MLIP: variants seen among roughly 807,000 people sequenced by gnomAD.
The protein encoded by MLIP is muscular LMNA-interacting protein.
A neutral mutation model predicts 84.8 loss-of-function variants in MLIP; 79 were observed. The observed-to-expected ratio is 0.93, with a 90% confidence interval of 0.78 to 1.12. The LOEUF is 1.12. MLIP is among the 50% of genes most tolerant of loss of function. The pLI is 0.00. For synonymous variants in MLIP, 504 were observed against 463.0 expected, an observed-to-expected ratio of 1.09 and a Z score of -1.14; for missense variants, 1,257 against 1,160.6, an observed-to-expected ratio of 1.08 and a Z score of -1.21.
intron 10 of MLIP, among the ~76,000 whole-genome samples, chr6:54,193,713 C>G (rs2150688368): frequency 6.6e-6 from 1 of 152,146 alleles, no homozygotes; most frequent in East Asian, 1.9e-4. Context: ...TGGGTAGGGT[C>G]AGTTAGAGTA....
intron 9 of MLIP, among the ~76,000 whole-genome samples, chr6:54,180,921 C>T (rs1332975313): frequency 3.3e-5 from 5 of 152,128 alleles, no homozygotes; most frequent in Non-Finnish European, 7.4e-5. Flanking sequence ...AGTGTCTCAA[C>T]ATTGAAGAGT....
chr6:54,097,587 G>A (rs1262726040), intron 1 of MLIP, among the ~76,000 whole-genome samples: 1 of 152,096 alleles, frequency 6.6e-6, no homozygotes, highest in Non-Finnish European at 1.5e-5. Flanking sequence ...GAAAATGATG[G>A]TGGCAGTAAA....
chr6:54,048,544 C>T (rs1025705012), intron 1 of MLIP, among the ~76,000 whole-genome samples: 13 of 152,082 alleles, frequency 8.5e-5, no homozygotes, highest in African/African-American at 2.9e-4. Context: ...CAACTGGCTT[C>T]GATCTACTCT....
chr6:54,140,938 C>G (rs1219558665), intron 4 of MLIP, among the ~76,000 whole-genome samples: 1 of 152,122 alleles, frequency 6.6e-6, no homozygotes, highest in Non-Finnish European at 1.5e-5. Context: ...GCACAGGACT[C>G]TTTTTGAAAT....
chr6:54,023,315 C>T (rs1341171221), intron 1 of MLIP, among the ~76,000 whole-genome samples: 2 of 151,620 alleles, frequency 1.3e-5, no homozygotes, highest in Non-Finnish European at 2.9e-5. Context: ...AAAAAAGCAA[C>T]TCTTTGAGAT....
chr6:54,254,131 T>A (rs78644584), intron 12 of MLIP, among the ~76,000 whole-genome samples: 1 of 82,064 alleles, frequency 1.2e-5, no homozygotes, highest in South Asian at 3.4e-4. Context: ...TTTTTGCTGT[T>A]TTTTTTTTTT....
upstream of MLIP, among the ~76,000 whole-genome samples, chr6:54,107,033 A>G (rs371162637): frequency 1.6e-4 from 24 of 152,340 alleles, no homozygotes; most frequent in South Asian, 1.9e-3. Flanking sequence ...AAGTAATTCA[A>G]CAAGGAGAGA....
At chr6:54,073,390 A>G (rs1440085736) in intron 1 of MLIP, among the ~76,000 whole-genome samples, 2 of 152,228 alleles carry the variant, frequency 1.3e-5, no homozygotes, top group African/African-American at 4.8e-5. Flanking sequence ...TAGTACATTC[A>G]TTTAGTCTAT....
In MLIP at chr6:54,148,961, T is replaced by G. The variant is rs9382295; in HGVS notation, c.2218-95T>G. The stretch of plus-strand genomic sequence containing the variant: ...CATAATAACCCTTTTCTTCATTTGA[T>G]AACGTATCATTTAACTTGGTAGAAC... On this transcript the variant is annotated intron_variant, in intron 4 of 13. Coordinates refer to ENST00000502396, the MANE Select transcript of MLIP (RefSeq NM_001281747.2). The G allele has an allele frequency of 1.2e-3, 1,164 of 958,194 alleles. 9 individuals carry two copies. In the East Asian group the frequency reaches 0.02, roughly 16 times the overall value. The allele number at this position is 958,194 out of a possible 1,614,324, so 59.4% of individuals were successfully genotyped here.
In MLIP at chr6:54,111,469, G is replaced by A; in HGVS notation, c.-11G>A. Reference sequence around the variant, plus strand: ...GTCATTGGTTTGCTCGCTCCCTTATGTGATGAATCAATGCTTTCAGAACAG... The same window carrying A: ...GTCATTGGTTTGCTCGCTCCCTTATATGATGAATCAATGCTTTCAGAACAG... On this transcript the variant is annotated 5_prime_UTR_variant, in exon 1 of 14. It adds an upstream start codon to the 5' untranslated region. Coordinates refer to ENST00000502396, the MANE Select transcript of MLIP (RefSeq NM_001281747.2). 1.3e-6 allele frequency: 2 copies of A among 1,535,948 alleles called. No homozygotes were observed. Among genetic ancestry groups the A allele is most frequent in the African/African-American group, 1.4e-5 (1 of 73,148 alleles).
At position 54,217,551 on chromosome 6, in the gene MLIP, T is replaced by C. The variant is rs568474915; in HGVS notation, c.2719-13163T>C. On this transcript the variant is annotated intron_variant, in intron 11 of 13. Coordinates refer to ENST00000502396, the MANE Select transcript of MLIP (RefSeq NM_001281747.2). ...CTAATTTTTCTTTAATGAACAAAGA[T>C]ATTACTTGCTTCATAAGTTCCTGTC... is the stretch of plus-strand genomic sequence containing the variant. 83 of 984,508 alleles carry C rather than the reference T, an allele frequency of 8.4e-5. No homozygotes were observed. In the South Asian group the frequency reaches 3.3e-3, roughly 39 times the overall value. 61.0% of individuals were successfully genotyped at this position (984,508 alleles called of 1,614,324 possible).
intron 11 of MLIP, among the ~76,000 whole-genome samples, chr6:54,219,213 T>TAAAAATA (rs1482947049): frequency 6.7e-6 from 1 of 150,256 alleles, no homozygotes; most frequent in Non-Finnish European, 1.5e-5. Flanking sequence ...TCAAAAAAAA[T>TAAAAATA]AAAAATAAAA....
At chr6:54,041,215 A>T (rs1239005007) in intron 1 of MLIP, 1 of 152,138 alleles carries the variant, frequency 6.6e-6, no homozygotes, top group African/African-American at 2.4e-5. Flanking sequence ...CTTTTTGGGA[A>T]TGTTATAACA....
intron 9 of MLIP, among the ~76,000 whole-genome samples, chr6:54,186,236 G>A (rs1178915512): frequency 1.3e-5 from 2 of 152,136 alleles, no homozygotes; most frequent in Admixed American, 1.3e-4. Context: ...ATCAAAATAA[G>A]CTCTGAAATA....
At chr6:54,236,513 A>G (rs1781371188) in intron 12 of MLIP, among the ~76,000 whole-genome samples, 1 of 152,116 alleles carries the variant, frequency 6.6e-6, no homozygotes, top group Non-Finnish European at 1.5e-5. Context: ...GAGGCAGGAG[A>G]ATTGCTTGAA....
chr6:54,249,895 C>T (rs1236028520), intron 12 of MLIP, among the ~76,000 whole-genome samples: 1 of 151,844 alleles, frequency 6.6e-6, no homozygotes, highest in East Asian at 1.9e-4. Context: ...TTTCCTTAGC[C>T]AGGTATTAAG....
chr6:54,202,774 T>C (rs937721239), intron 11 of MLIP, among the ~76,000 whole-genome samples: 1 of 152,112 alleles, frequency 6.6e-6, no homozygotes, highest in African/African-American at 2.4e-5. Flanking sequence ...GGCGTGTGCC[T>C]GTGGTCCCAG....
At chr6:54,216,657 A>G (rs1779874159) in intron 11 of MLIP, 2 of 980,548 alleles carry the variant, frequency 2.0e-6, no homozygotes, top group Non-Finnish European at 2.4e-6. Flanking sequence ...TAAATTTTTC[A>G]TACTTCACAA....
chr6:54,048,410 T>C (rs1467763004), intron 1 of MLIP, among the ~76,000 whole-genome samples: 1 of 152,132 alleles, frequency 6.6e-6, no homozygotes. Flanking sequence ...ATGTGCATTT[T>C]GAGAGAGCAG....
Sources: gnomAD v4.1 joint callset for allele counts (sites outside exome capture counted in the v4.1 genomes callset) on GRCh38, gnomAD v4.1.1 for gene constraint, MANE v1.5 for transcripts, NCBI Gene and HGNC (gene_info 2026-07-23, HGNC 2026-07-21) for gene names.